CYSLTR1: variants seen among roughly 807,000 people sequenced by gnomAD.
The protein encoded by CYSLTR1 is cysteinyl leukotriene receptor 1.
In CYSLTR1, 1 loss-of-function variant was observed where a neutral mutation model predicts 2.1. That is an observed-to-expected ratio of 0.48 (90% confidence interval 0.17 to 2.28). The LOEUF (loss-of-function observed/expected upper bound fraction) is 2.28. CYSLTR1 is among the 30% of genes most tolerant of loss of function. The pLI, the probability that CYSLTR1 is intolerant of heterozygous loss-of-function variation, is 0.26. For synonymous variants in CYSLTR1, 110 were observed against 89.6 expected (o/e 1.23, Z -1.28); for missense variants, 299 against 250.1 (o/e 1.20, Z -1.32).
intron 1 of CYSLTR1, among the ~76,000 whole-genome samples, chrX:78,325,812 T>C (rs770896038): frequency 4.5e-5 from 5 of 112,240 alleles, no homozygotes; most frequent in Admixed American, 3.8e-4. Context: ...CCCTTTATTA[T>C]CCTTTATTAT....
At chrX:78,315,656 A>T (rs1569552482) in intron 1 of CYSLTR1, among the ~76,000 whole-genome samples, 1 of 111,436 alleles carries the variant, frequency 9.0e-6, no homozygotes, top group Non-Finnish European at 1.9e-5. Context: ...GGTGGCCATG[A>T]GATGAGGCTT....
In CYSLTR1 at chrX:78,276,410, G is replaced by A. The variant is rs893019863; in HGVS notation, c.-27-2637C>T. Among the ~76,000 whole-genome samples, 19 of 111,283 alleles carry A rather than the reference G, an allele frequency of 1.7e-4. 1 individual carries two copies. Among genetic ancestry groups the A allele is most frequent in the African/African-American group, 6.2e-4 (19 of 30,668 alleles). Reference sequence around the variant, plus strand: ...CCTGCTCCCTTGTAAGAGACGTGTTGGGGTTTGCAAGGTGGGAAGACTGCT... The same window carrying A: ...CCTGCTCCCTTGTAAGAGACGTGTTAGGGTTTGCAAGGTGGGAAGACTGCT... On this transcript the variant is annotated intron_variant, in intron 2 of 2. Coordinates refer to ENST00000373304, the MANE Select transcript of CYSLTR1 (RefSeq NM_006639.4).
chrX:78,273,693 AAT>A lies in CYSLTR1; in HGVS notation c.52_53del (p.Ile18Ter), dbSNP rs758116219. On this transcript the variant is annotated frameshift_variant, in exon 3 of 3. Transcript: ENST00000373304. LOFTEE classifies it low-confidence loss of function (END_TRUNC). ...AATACACTTGATTGCGGAAGTCATC[AAT>A]AGTGTCATGGCATGTGGCAGAAGAT... is the stretch of plus-strand genomic sequence containing the variant. ...TVSSATCHDTIDDFRNQVYST... is the reference protein window; with the variant it reads ...TVSSATCHDTXDDFRNQVYST... The A allele has an allele frequency of 1.7e-6, 2 of 1,208,214 alleles. No individual in the cohort carries two copies. The highest frequency in any genetic ancestry group is 3.5e-5 in the African/African-American group (2 of 57,258).
chrX:78,320,279 T>C (rs1296696021), intron 1 of CYSLTR1: 1 of 112,089 alleles, frequency 8.9e-6, no homozygotes, highest in East Asian at 2.8e-4. Flanking sequence ...CTTGAATTAA[T>C]TTTTGTATAA....
intron 2 of CYSLTR1, among the ~76,000 whole-genome samples, chrX:78,276,882 C>A (rs1921615571): frequency 9.0e-6 from 1 of 110,692 alleles, no homozygotes; most frequent in Non-Finnish European, 1.9e-5. Context: ...ACAGGGGTAC[C>A]AAGTACTAAG....
At chrX:78,315,976 G>C (rs2147273834) in intron 1 of CYSLTR1, among the ~76,000 whole-genome samples, 1 of 112,377 alleles carries the variant, frequency 8.9e-6, no homozygotes, top group African/African-American at 3.2e-5. Flanking sequence ...TGCTGACCCA[G>C]CACAGTCATA....
At chrX:78,283,779 T>C (rs376699583) in intron 1 of CYSLTR1, among the ~76,000 whole-genome samples, 3 of 112,281 alleles carry the variant, frequency 2.7e-5, no homozygotes, top group South Asian at 3.7e-4. Flanking sequence ...TTTGCTGCTG[T>C]GTGCATGTAG....
At chrX:78,320,103 CTTTAG>C (rs1923581806) in intron 1 of CYSLTR1, 1 of 112,042 alleles carries the variant, frequency 8.9e-6, no homozygotes, top group Non-Finnish European at 1.9e-5. Flanking sequence ...TGCAGAAGCT[CTTTAG>C]TTTAATTAGA....
At chrX:78,281,296 T>C (rs1473150783) in intron 2 of CYSLTR1, among the ~76,000 whole-genome samples, 4 of 108,429 alleles carry the variant, frequency 3.7e-5, no homozygotes, top group Non-Finnish European at 7.7e-5. Context: ...AGACAGGGTC[T>C]CACTCTGTCA....
At chrX:78,284,543 G>A (rs769884644) in intron 1 of CYSLTR1, among the ~76,000 whole-genome samples, 55 of 110,521 alleles carry the variant, frequency 5.0e-4, no homozygotes, top group Non-Finnish European at 9.3e-4. Context: ...TGGGATTGCA[G>A]GCATACGCCA....
chrX:78,295,261 C>T (rs1439001521), intron 1 of CYSLTR1, among the ~76,000 whole-genome samples: 10 of 111,020 alleles, frequency 9.0e-5, no homozygotes, highest in Non-Finnish European at 1.7e-4. Context: ...CCGTCTTTTT[C>T]TTTATCCATT....
chrX:78,320,084 C>G (rs1200005161), intron 1 of CYSLTR1: 1 of 111,904 alleles, frequency 8.9e-6, no homozygotes, highest in Non-Finnish European at 1.9e-5. Context: ...ATGGTAGTTT[C>G]TTTTGCTGTG....
chrX:78,273,527 A>G lies in CYSLTR1; in HGVS notation c.220T>C (p.Cys74Arg). Residue 74 changes from cysteine to arginine, a missense_variant, in exon 3 of 3, where the codon TGC becomes CGC. By Grantham distance (180) the Cys-to-Arg change is radical. Transcript: ENST00000373304. ...TAGACCACACGGAGAGGCAGTGTGC[A>G]CACACAAAGTAGATCTGCTACTGCT... Reference protein sequence around the residue: ...NLAVADLLCVCTLPLRVVYYV... With the variant: ...NLAVADLLCVRTLPLRVVYYV... 8.3e-7 allele frequency: 1 copy of G among 1,211,857 alleles called. No individual in the cohort carries two copies. Among genetic ancestry groups the G allele is most frequent in the Non-Finnish European group, 1.1e-6 (1 of 895,477 alleles).
At chrX:78,275,100 G>C (rs1921520491) in intron 2 of CYSLTR1, among the ~76,000 whole-genome samples, 1 of 111,762 alleles carries the variant, frequency 8.9e-6, no homozygotes, top group Non-Finnish European at 1.9e-5. Context: ...AGAGGATGTG[G>C]AGAAATAGGA....
intron 2 of CYSLTR1, among the ~76,000 whole-genome samples, chrX:78,276,986 C>T (rs1921619283): frequency 9.0e-6 from 1 of 111,019 alleles, no homozygotes; most frequent in South Asian, 3.8e-4. Context: ...CATTTGGAAT[C>T]TTAGCTGCAG....
intron 1 of CYSLTR1, among the ~76,000 whole-genome samples, chrX:78,324,410 C>T (rs958471628): frequency 2.7e-5 from 3 of 112,139 alleles, no homozygotes; most frequent in Non-Finnish European, 5.6e-5. Context: ...GCTTTGTCGC[C>T]CGGCTTGAGT....
intron 1 of CYSLTR1, among the ~76,000 whole-genome samples, 161 bp from the exon 2 acceptor site, chrX:78,283,701 T>C: frequency 8.9e-6 from 1 of 112,042 alleles, no homozygotes; most frequent in Non-Finnish European, 1.9e-5. Flanking sequence ...GTCTCCTTCT[T>C]TTTTCTCCAT....
chrX:78,305,817 C>T (rs780288647), intron 1 of CYSLTR1, among the ~76,000 whole-genome samples: 2 of 113,131 alleles, frequency 1.8e-5, no homozygotes, highest in South Asian at 7.1e-4. Flanking sequence ...GAATTTCCTT[C>T]CTTTTTTGTG....
At chrX:78,325,198 G>A (rs1923823092) in intron 1 of CYSLTR1, among the ~76,000 whole-genome samples, 1 of 111,506 alleles carries the variant, frequency 9.0e-6, no homozygotes, top group African/African-American at 3.3e-5. Flanking sequence ...CATAAGTATT[G>A]TAGGGCTAGT....
Sources: gnomAD v4.1 joint callset for allele counts (sites outside exome capture counted in the v4.1 genomes callset) on GRCh38, gnomAD v4.1.1 for gene constraint, MANE v1.5 for transcripts, NCBI Gene and HGNC (gene_info 2026-07-23, HGNC 2026-07-21) for gene names.